HSP90AA1: variants seen among roughly 807,000 people sequenced by gnomAD.
HSP90AA1 encodes heat shock protein 90 alpha family class A member 1.
In HSP90AA1, 18 loss-of-function variants were observed where a neutral mutation model predicts 73.3. The ratio of observed to expected loss-of-function variants is 0.25; its 90% confidence interval spans 0.17 to 0.36. The LOEUF is 0.36. Among genes scored for constraint, HSP90AA1 ranks in the 10% least tolerant of loss-of-function variants. The pLI is 1.00. For missense variants in HSP90AA1, 704 were observed against 874.2 expected, an observed-to-expected ratio of 0.81 and a Z score of 2.45; for synonymous variants, 477 against 296.9, an observed-to-expected ratio of 1.61 and a Z score of -6.24.
In HSP90AA1 at chr14:102,083,091, T is replaced by C. The variant is rs770458840; in HGVS notation, c.1698A>G (p.Thr566=). The C allele has an allele frequency of 1.2e-6, 2 of 1,613,914 alleles. No homozygotes were observed. The highest frequency in any genetic ancestry group is 1.1e-5 in the South Asian group (1 of 91,072). The change falls in exon 9 of 11, where the codon ACA becomes ACG. Residue 566 remains threonine (T), a synonymous_variant. Coordinates refer to ENST00000216281, the MANE Select transcript of HSP90AA1 (RefSeq NM_005348.4). ...TGATTTTGCAGAGGTTCTCAAACTT[T>C]GTTTTTTTCTCTTCCTGCTTCTTTT... ...EEKKKQEEKK[T]KFENLCKIMK...
In HSP90AA1 at chr14:102,083,689, C is replaced by G. The variant is rs1255955699; in HGVS notation, c.1343G>C (p.Gly448Ala). Residue 448 changes from glycine to alanine, a missense_variant, in exon 8 of 11, where the codon GGA becomes GCA. Physicochemically the swap from Gly to Ala is moderately conservative, Grantham distance 60 (BLOSUM62 0). Transcript: ENST00000216281. ...YEQFSKNIKL[G>A]IHEDSQNRKK... Reference sequence around the variant, plus strand: ...CCGATTTTGAGAGTCTTCGTGTATTCCAAGCTGAAACAAAGTATGTTCTTT... The same window carrying G: ...CCGATTTTGAGAGTCTTCGTGTATTGCAAGCTGAAACAAAGTATGTTCTTT... 6.2e-7 allele frequency: 1 copy of G among 1,607,380 alleles called. No individual in the cohort carries two copies. The highest frequency in any genetic ancestry group is 1.4e-5 in the African/African-American group (1 of 74,048).
intron 1 of HSP90AA1, among the ~76,000 whole-genome samples, chr14:102,103,927 A>G (rs1169972288): frequency 2.0e-5 from 3 of 151,534 alleles, no homozygotes; most frequent in Non-Finnish European, 4.4e-5. Context: ...TTACTTGAAC[A>G]TGGGAGGTGG....
chr14:102,101,628 T>G (rs2049494208), intron 2 of HSP90AA1, among the ~76,000 whole-genome samples: 1 of 152,236 alleles, frequency 6.6e-6, no homozygotes, highest in African/African-American at 2.4e-5. Flanking sequence ...ATATGCGCTA[T>G]AGCCCTGTAT....
intron 1 of HSP90AA1, among the ~76,000 whole-genome samples, chr14:102,124,402 AG>A (rs1350692245): frequency 6.6e-6 from 1 of 152,076 alleles, no homozygotes; most frequent in Non-Finnish European, 1.5e-5. Flanking sequence ...CATGTTGGCC[AG>A]GTTGGTCTTG....
intron 2 of HSP90AA1, among the ~76,000 whole-genome samples, chr14:102,094,987 G>A (rs756469713): frequency 2.0e-5 from 3 of 152,116 alleles, no homozygotes; most frequent in Admixed American, 2.0e-4. Context: ...AGAGGCTCCC[G>A]GGTGGGTGAG....
In HSP90AA1 at chr14:102,085,287, T is replaced by C. The variant is rs1480371450; in HGVS notation, c.663+11A>G. 9.3e-6 allele frequency: 15 copies of C among 1,609,902 alleles called. No individual in the cohort carries two copies. In the Admixed American group the frequency reaches 1.8e-4, roughly 20 times the overall value. On this transcript the variant is annotated intron_variant, in intron 4 of 10. Coordinates refer to ENST00000216281, the MANE Select transcript of HSP90AA1 (RefSeq NM_005348.4). ...GACAGAAATTCACTCTGCAATTACA[T>C]AAAAACTTACAAAAAGAGTAATGGG...
At chr14:102,137,385 G>C (rs1207675530) in intron 1 of HSP90AA1, among the ~76,000 whole-genome samples, 1 of 151,802 alleles carries the variant, frequency 6.6e-6, no homozygotes, top group Non-Finnish European at 1.5e-5. Flanking sequence ...GAGTGCAGTG[G>C]TGCCATCTCG....
chr14:102,084,023 G>C lies in HSP90AA1; in HGVS notation c.1148-40C>G, dbSNP rs374623479. 2.1e-6 allele frequency: 3 copies of C among 1,429,304 alleles called. No individual in the cohort carries two copies. In the African/African-American group the frequency reaches 4.2e-5, roughly 20 times the overall value. The allele number at this position is 1,429,304 out of a possible 1,614,324, so 88.5% of individuals were successfully genotyped here. On this transcript the variant is annotated intron_variant, in intron 6 of 10. Coordinates refer to ENST00000216281, the MANE Select transcript of HSP90AA1 (RefSeq NM_005348.4). The stretch of plus-strand genomic sequence containing the variant: ...AACCAAATGCACTGAGTCATTCCAA[G>C]GACAAAACTGGTACTATGTAAACTC...
chr14:102,135,061 C>T (rs1287698794), intron 1 of HSP90AA1, among the ~76,000 whole-genome samples: 2 of 148,292 alleles, frequency 1.3e-5, no homozygotes. Flanking sequence ...TACAGAGTGT[C>T]GACTGGTGCA....
intron 2 of HSP90AA1, among the ~76,000 whole-genome samples, chr14:102,092,712 T>C (rs529385732): frequency 1.6e-4 from 25 of 152,276 alleles, no homozygotes; most frequent in African/African-American, 6.0e-4. Flanking sequence ...GGTATATACA[T>C]ATGTTGAAAT....
rs369120039 is a variant in HSP90AA1, at chr14:102,113,324, T to TGCTG, written c.156-11240_156-11239insCAGC. 4.5e-3 allele frequency among the ~76,000 whole-genome samples: 690 copies of TGCTG among 151,788 alleles called. 6 individuals are homozygous for TGCTG. The highest frequency in any genetic ancestry group is 0.015 in the African/African-American group (639 of 41,428). The stretch of plus-strand genomic sequence containing the variant: ...CAGGTGTGAGCCACCGCGCCCGGCT[T>TGCTG]GCTTGCTTGCTTGCTTTCTCTCTCT... On this transcript the variant is annotated intron_variant, in intron 1 of 11. Transcript: ENST00000334701.
At position 102,133,702 on chromosome 14, in the gene HSP90AA1, C is replaced by T. The variant is rs1471118715; in HGVS notation, c.155+5548G>A. Among the ~76,000 whole-genome samples the T allele has an allele frequency of 3.9e-5, 6 of 151,930 alleles. No homozygotes were observed. The East Asian group carries it at 9.7e-4, about 25-fold the overall frequency. ...TTCTCCATGTCAGTCAGGCTGGTCT[C>T]GAACTCCTGACCTCAGATGATCCGC... On this transcript the variant is annotated intron_variant, in intron 1 of 11. Coordinates refer to the HSP90AA1 transcript ENST00000334701.
chr14:102,085,668 T>G, intron 3 of HSP90AA1, 90 bp downstream of exon 3: 2 of 1,579,840 alleles, frequency 1.3e-6, no homozygotes, highest in Non-Finnish European at 8.7e-7. Context: ...ACACAAATTC[T>G]GTAAGCTTCA....
chr14:102,120,557 C>G (rs1349709957), intron 1 of HSP90AA1, among the ~76,000 whole-genome samples: 2 of 152,044 alleles, frequency 1.3e-5, no homozygotes, highest in African/African-American at 4.8e-5. Context: ...AGAGAGGTTA[C>G]TCTCTAAAAA....
At chr14:102,095,475 G>C (rs906897490) in intron 2 of HSP90AA1, among the ~76,000 whole-genome samples, 1 of 152,198 alleles carries the variant, frequency 6.6e-6, no homozygotes, top group African/African-American at 2.4e-5. Flanking sequence ...AGATGTGCGT[G>C]AGCCCCTCTG....
chr14:102,108,263 C>CAA (rs34157305), intron 1 of HSP90AA1, among the ~76,000 whole-genome samples: 3,960 of 75,826 alleles, frequency 0.052, 43 homozygotes, highest in East Asian at 0.079. Context: ...ACCTTGTCTC[C>CAA]AAAAAAAAAA....
intron 6 of HSP90AA1, 181 bp from the exon 7 acceptor site, chr14:102,084,164 G>A: frequency 1.4e-6 from 1 of 696,776 alleles, no homozygotes; most frequent in South Asian, 1.7e-5. Context: ...CTGCCTCCCG[G>A]GGGGGTTCAA....
At chr14:102,085,711 C>T (rs2152612740) in intron 3 of HSP90AA1, 47 bp downstream of exon 3, 3 of 1,612,842 alleles carry the variant, frequency 1.9e-6, no homozygotes, top group Non-Finnish European at 2.5e-6. Context: ...GTTGCAGCAC[C>T]CCACCCTTCC....
upstream of HSP90AA1, among the ~76,000 whole-genome samples, chr14:102,088,172 C>G (rs1390942966): frequency 6.6e-6 from 1 of 152,030 alleles, no homozygotes; most frequent in African/African-American, 2.4e-5. Flanking sequence ...ACCATGTTGC[C>G]CAGGCTGGAA....
Sources: allele counts gnomAD v4.1 joint callset (sites outside exome capture counted in the v4.1 genomes callset), GRCh38; gene constraint gnomAD v4.1.1; transcripts MANE v1.5; gene names NCBI Gene and HGNC (gene_info 2026-07-23, HGNC 2026-07-21).